PKIB: variants seen among roughly 807,000 people sequenced by gnomAD.
The protein encoded by PKIB is cAMP-dependent protein kinase inhibitor beta, also known as PKI-beta.
In PKIB, 2 loss-of-function variants were observed where a neutral mutation model predicts 4.5. That is an observed-to-expected ratio of 0.44 (90% confidence interval 0.18 to 1.39). The LOEUF (loss-of-function observed/expected upper bound fraction) is 1.39. Ranked by LOEUF, PKIB falls within the 40% of genes most tolerant of loss-of-function variation. PKIB has a pLI of 0.27. For missense variants in PKIB, 94 were observed against 92.6 expected (o/e 1.02, Z -0.06); for synonymous variants, 38 against 36.0 (o/e 1.06, Z -0.20).
intron 2 of PKIB, among the ~76,000 whole-genome samples, chr6:122,581,022 C>G (rs1433101050): frequency 1.3e-5 from 2 of 152,122 alleles, no homozygotes; most frequent in Non-Finnish European, 2.9e-5. Context: ...CCAGGATCTT[C>G]CATCAATCAC....
intron 2 of PKIB, among the ~76,000 whole-genome samples, chr6:122,557,440 G>A (rs879831162): frequency 6.6e-6 from 1 of 152,144 alleles, no homozygotes; most frequent in Non-Finnish European, 1.5e-5. Context: ...TGTCAACTTG[G>A]TTAAGCTGAG....
intron 3 of PKIB, among the ~76,000 whole-genome samples, chr6:122,710,581 TTTCTGGGGTTCCATTA>T (rs1264540701): frequency 1.3e-5 from 2 of 152,186 alleles, no homozygotes; most frequent in Admixed American, 1.3e-4. Context: ...GCTTACTTAT[TTTCTGGGGTTCCATTA>T]AATGCTGTGT....
intron 2 of PKIB, among the ~76,000 whole-genome samples, chr6:122,571,209 A>G (rs1406252360): frequency 6.6e-6 from 1 of 152,190 alleles, no homozygotes; most frequent in African/African-American, 2.4e-5. Flanking sequence ...TAAAGAAAAA[A>G]GAAGCAAAAG....
At chr6:122,563,143 T>C (rs917500387) in intron 2 of PKIB, among the ~76,000 whole-genome samples, 1 of 152,182 alleles carries the variant, frequency 6.6e-6, no homozygotes, top group Non-Finnish European at 1.5e-5. Context: ...GATTCTTTTG[T>C]CCCATGGGGT....
chr6:122,543,220 C>G (rs887677402), intron 2 of PKIB, among the ~76,000 whole-genome samples: 1 of 152,094 alleles, frequency 6.6e-6, no homozygotes, highest in Non-Finnish European at 1.5e-5. Flanking sequence ...GCTGCACCCA[C>G]TGTCTGGAGC....
intron 2 of PKIB, among the ~76,000 whole-genome samples, chr6:122,558,253 C>T (rs1772906884): frequency 6.6e-6 from 1 of 152,166 alleles, no homozygotes; most frequent in Admixed American, 6.5e-5. Flanking sequence ...TTCTCAGAAG[C>T]TCTGTAAGTG....
intron 2 of PKIB, among the ~76,000 whole-genome samples, chr6:122,500,634 T>C (rs1776203180): frequency 6.6e-6 from 1 of 152,234 alleles, no homozygotes; most frequent in African/African-American, 2.4e-5. Flanking sequence ...GGCCAATTCC[T>C]AGAAAACAAG....
At chr6:122,659,146 T>A (rs1211511336) in intron 2 of PKIB, among the ~76,000 whole-genome samples, 1 of 152,186 alleles carries the variant, frequency 6.6e-6, no homozygotes, top group Non-Finnish European at 1.5e-5. Flanking sequence ...ATAATTTGTT[T>A]CCTGACAAAG....
At chr6:122,607,987 A>G (rs570598178), upstream of PKIB, among the ~76,000 whole-genome samples, 22 of 152,260 alleles carry the variant, frequency 1.4e-4, no homozygotes, top group South Asian at 3.9e-3. Flanking sequence ...TCATTCTGGT[A>G]TTACTGTTGG....
intron 2 of PKIB, among the ~76,000 whole-genome samples, chr6:122,656,813 C>G (rs974729869): frequency 6.6e-6 from 1 of 152,210 alleles, no homozygotes; most frequent in African/African-American, 2.4e-5. Context: ...TATGTTTGCT[C>G]TATGCACACT....
chr6:122,627,601 T>G (rs1775509567), intron 1 of PKIB, among the ~76,000 whole-genome samples: 1 of 152,174 alleles, frequency 6.6e-6, no homozygotes, highest in South Asian at 2.1e-4. Flanking sequence ...ATCTGACTCT[T>G]TTTTCTCCCT....
chr6:122,612,527 A>T (rs754922418), intron 1 of PKIB, among the ~76,000 whole-genome samples: 1 of 152,138 alleles, frequency 6.6e-6, no homozygotes, highest in African/African-American at 2.4e-5. Context: ...TGAACATTTT[A>T]TATAAATGGA....
At chr6:122,578,976 T>C (rs1773628696) in intron 2 of PKIB, among the ~76,000 whole-genome samples, 1 of 152,220 alleles carries the variant, frequency 6.6e-6, no homozygotes, top group African/African-American at 2.4e-5. Flanking sequence ...CATTCTGCCA[T>C]GATTGCAAGT....
chr6:122,602,911 G>C (rs1224433099), intron 3 of PKIB, among the ~76,000 whole-genome samples: 1 of 138,072 alleles, frequency 7.2e-6, no homozygotes, highest in Non-Finnish European at 1.5e-5. Context: ...AGCCGAGATC[G>C]CACCACGGCA....
At chr6:122,474,461 A>T (rs1290813909) in intron 1 of PKIB, among the ~76,000 whole-genome samples, 1 of 152,192 alleles carries the variant, frequency 6.6e-6, no homozygotes, top group African/African-American at 2.4e-5. Context: ...AGAAATACTG[A>T]TGGAGGGAAG....
chr6:122,642,966 A>G (rs1255299055), intron 2 of PKIB, among the ~76,000 whole-genome samples: 4 of 152,152 alleles, frequency 2.6e-5, no homozygotes, highest in African/African-American at 9.7e-5. Context: ...CCTAGGATTA[A>G]AAGGATTGCA....
At position 122,510,375 on chromosome 6, in the gene PKIB, G is replaced by C. The variant is rs569729439; in HGVS notation, c.-248+32436G>C. ...TCTACAAAAGTTTGACAAATTGTGG[G>C]ACTGTTTAACATACCCTGAGGCAAA... is the stretch of plus-strand genomic sequence containing the variant. On this transcript the variant is annotated intron_variant, in intron 2 of 6. Transcript: ENST00000392491. 5.9e-5 allele frequency among the ~76,000 whole-genome samples: 9 copies of C among 152,290 alleles called. 1 individual carries two copies. In the South Asian group the frequency reaches 1.7e-3, roughly 28 times the overall value.
At chr6:122,648,201 C>A (rs1431621778) in intron 2 of PKIB, among the ~76,000 whole-genome samples, 1 of 152,214 alleles carries the variant, frequency 6.6e-6, no homozygotes, top group African/African-American at 2.4e-5. Context: ...AGTGGAAGAA[C>A]ACCTCCCTTT....
intron 3 of PKIB, among the ~76,000 whole-genome samples, chr6:122,708,077 A>G (rs1386505004): frequency 6.6e-6 from 1 of 152,224 alleles, no homozygotes; most frequent in African/African-American, 2.4e-5. Flanking sequence ...ACCTACAAAA[A>G]CAAAAGCTCT....
Sources: gnomAD v4.1 joint callset for allele counts (sites outside exome capture counted in the v4.1 genomes callset) on GRCh38, gnomAD v4.1.1 for gene constraint, MANE v1.5 for transcripts, NCBI Gene and HGNC (gene_info 2026-07-23, HGNC 2026-07-21) for gene names.